Variants in ROBO1 observed in about 807,000 individuals in gnomAD.
The protein encoded by ROBO1 is roundabout homolog 1.
ROBO1 carries 149 observed loss-of-function variants against 195.9 expected under a neutral mutation model. That is an observed-to-expected ratio of 0.76 (90% CI 0.67 to 0.87). The LOEUF (loss-of-function observed/expected upper bound fraction) is 0.87, where lower values mean the gene tolerates loss of function less well. Ranked by LOEUF, ROBO1 falls within the 40% of genes least tolerant of loss-of-function variation. The pLI is 0.00. For synonymous variants in ROBO1, 816 were observed against 733.2 expected, an observed-to-expected ratio of 1.11 and a Z score of -1.82; for missense variants, 1,933 against 2,068.3, an observed-to-expected ratio of 0.93 and a Z score of 1.27.
At chr3:79,157,822 ATAT>A (rs1487590092) in intron 2 of ROBO1, among the ~76,000 whole-genome samples, 4 of 151,902 alleles carry the variant, frequency 2.6e-5, no homozygotes, top group Non-Finnish European at 5.9e-5. Flanking sequence ...GAAATATTCT[ATAT>A]TCATTTACTT....
At chr3:78,971,349 A>C (rs1189586977) in intron 3 of ROBO1, among the ~76,000 whole-genome samples, 3 of 152,176 alleles carry the variant, frequency 2.0e-5, no homozygotes, top group African/African-American at 7.2e-5. Flanking sequence ...AGACTGTGCC[A>C]CTGCACTGCA....
At chr3:78,953,201 A>C (rs1463952452) in intron 3 of ROBO1, among the ~76,000 whole-genome samples, 1 of 152,010 alleles carries the variant, frequency 6.6e-6, no homozygotes, top group Non-Finnish European at 1.5e-5. Flanking sequence ...ATAACTGGAG[A>C]ATTGTCACTA....
chr3:79,320,596 C>A (rs2033938238), intron 2 of ROBO1, among the ~76,000 whole-genome samples: 1 of 152,164 alleles, frequency 6.6e-6, no homozygotes. Flanking sequence ...TCCCAAAGAT[C>A]TGGGCGTCAC....
intron 3 of ROBO1, among the ~76,000 whole-genome samples, chr3:79,080,099 A>G (rs2079244074): frequency 6.6e-6 from 1 of 151,962 alleles, no homozygotes; most frequent in Non-Finnish European, 1.5e-5. Context: ...AAAGTGTTAC[A>G]GGGTTGATAC....
chr3:78,960,792 ACACACACACACAC>A (rs2041299100), intron 3 of ROBO1, among the ~76,000 whole-genome samples: 1 of 137,024 alleles, frequency 7.3e-6, no homozygotes, highest in Non-Finnish European at 1.6e-5. Flanking sequence ...ACACACACAC[ACACACACACACAC>A]ACACACACAC....
chr3:78,969,887 T>C (rs756826884), intron 3 of ROBO1, among the ~76,000 whole-genome samples: 7 of 152,200 alleles, frequency 4.6e-5, no homozygotes, highest in Non-Finnish European at 8.8e-5. Flanking sequence ...TATTAAATGT[T>C]GCTAAATACT....
intron 3 of ROBO1, among the ~76,000 whole-genome samples, chr3:78,974,285 A>G (rs1030214301): frequency 2.6e-5 from 4 of 152,128 alleles, no homozygotes; most frequent in South Asian, 2.1e-4. Flanking sequence ...GGGAGAGAGA[A>G]CGAAAGGGAA....
intron 3 of ROBO1, among the ~76,000 whole-genome samples, chr3:78,950,749 C>G (rs1311359969): frequency 6.6e-6 from 1 of 151,244 alleles, no homozygotes; most frequent in Non-Finnish European, 1.5e-5. Context: ...TGTGCTTTCC[C>G]CATGCACAGA....
intron 1 of ROBO1, among the ~76,000 whole-genome samples, chr3:79,722,226 T>C (rs1387172381): frequency 6.6e-6 from 1 of 152,224 alleles, no homozygotes; most frequent in South Asian, 2.1e-4. Context: ...TCTAATGGTA[T>C]GTACTGGTAG....
chr3:79,067,648 G>A lies in ROBO1; in HGVS notation c.172+57808C>T, dbSNP rs1411012152. ...TGATTTGTTTTCAACTTGTTTCAGG[G>A]CAAAATAAATCCTCTAAAGACTGAA... is the stretch of plus-strand genomic sequence containing the variant. On this transcript the variant is annotated intron_variant, in intron 3 of 30. Transcript: ENST00000464233. Among the ~76,000 whole-genome samples the A allele has an allele frequency of 2.0e-5, 3 of 151,704 alleles. No individual in the cohort carries two copies. The East Asian group carries it at 5.8e-4, about 30-fold the overall frequency.
At chr3:78,741,934 G>C (rs893505776) in intron 5 of ROBO1, among the ~76,000 whole-genome samples, 1 of 152,032 alleles carries the variant, frequency 6.6e-6, no homozygotes, top group Non-Finnish European at 1.5e-5. Flanking sequence ...TATCATGTAA[G>C]AGAATAAGAA....
intron 4 of ROBO1, among the ~76,000 whole-genome samples, chr3:78,860,641 C>G (rs1169763986): frequency 6.6e-6 from 1 of 152,096 alleles, no homozygotes; most frequent in Non-Finnish European, 1.5e-5. Flanking sequence ...AGCCCTGATT[C>G]ATTTTCCTTG....
At chr3:79,052,039 C>T (rs543485825) in intron 3 of ROBO1, among the ~76,000 whole-genome samples, 9 of 152,142 alleles carry the variant, frequency 5.9e-5, no homozygotes, top group South Asian at 2.1e-4. Context: ...AGGATAACAG[C>T]GATTTTCAGG....
chr3:79,325,469 CAA>C (rs2034167259), intron 2 of ROBO1, among the ~76,000 whole-genome samples: 1 of 152,020 alleles, frequency 6.6e-6, no homozygotes. Context: ...TTCTCATTGT[CAA>C]GATTATTTTC....
At chr3:79,548,776 G>A (rs1942368368) in intron 2 of ROBO1, among the ~76,000 whole-genome samples, 1 of 152,100 alleles carries the variant, frequency 6.6e-6, no homozygotes, top group African/African-American at 2.4e-5. Flanking sequence ...TGATGCTCTG[G>A]GAGAAGTGAC....
intron 1 of ROBO1, among the ~76,000 whole-genome samples, chr3:79,671,193 A>G (rs568109063): frequency 2.0e-5 from 3 of 151,968 alleles, no homozygotes; most frequent in African/African-American, 4.8e-5. Flanking sequence ...AATTACATAC[A>G]TTATGTTAGA....
chr3:78,650,155 C>T (rs560987764), intron 19 of ROBO1, among the ~76,000 whole-genome samples: 4 of 152,204 alleles, frequency 2.6e-5, no homozygotes, highest in South Asian at 2.1e-4. Context: ...CACAAAGACA[C>T]CCAAAACCCC....
chr3:79,473,168 C>T (rs1938374434), intron 2 of ROBO1, among the ~76,000 whole-genome samples: 2 of 152,114 alleles, frequency 1.3e-5, no homozygotes, highest in South Asian at 4.1e-4. Context: ...GGCCTAACTC[C>T]AATGACTGGC....
chr3:79,349,481 TGATA>T (rs762857394), intron 2 of ROBO1, among the ~76,000 whole-genome samples: 3 of 152,122 alleles, frequency 2.0e-5, no homozygotes, highest in East Asian at 1.9e-4. Context: ...GATAAATAGA[TGATA>T]GATAGATTAT....
Sources: allele counts gnomAD v4.1 joint callset (sites outside exome capture counted in the v4.1 genomes callset), GRCh38; gene constraint gnomAD v4.1.1; transcripts MANE v1.5; gene names NCBI Gene and HGNC (gene_info 2026-07-23, HGNC 2026-07-21).